KALRN: variants seen among roughly 807,000 people sequenced by gnomAD.
The protein encoded by KALRN is kalirin RhoGEF kinase, also known as kalirin.
Under a neutral mutation model 353.7 loss-of-function variants are expected in KALRN, and 70 were observed. The ratio of observed to expected loss-of-function variants is 0.20; its 90% CI spans 0.16 to 0.24. The LOEUF is 0.24. Ranked by LOEUF, KALRN falls within the 10% of genes least tolerant of loss-of-function variation. KALRN has a pLI of 1.00. For synonymous variants in KALRN, 1,391 were observed against 1,434.8 expected, an observed-to-expected ratio of 0.97 and a Z score of 0.69; for missense variants, 2,791 against 3,756.7, an observed-to-expected ratio of 0.74 and a Z score of 6.72.
At chr3:124,480,881 A>G (rs2061917546) in intron 27 of KALRN, among the ~76,000 whole-genome samples, 1 of 152,206 alleles carries the variant, frequency 6.6e-6, no homozygotes, top group Non-Finnish European at 1.5e-5. Flanking sequence ...CATGCATCAG[A>G]ACTTCATTTC....
chr3:124,103,987 A>G (rs1014180659), intron 1 of KALRN, among the ~76,000 whole-genome samples: 3 of 152,148 alleles, frequency 2.0e-5, no homozygotes, highest in Admixed American at 2.0e-4. Flanking sequence ...AAAAAGAATC[A>G]ACAGTAACAT....
intron 11 of KALRN, among the ~76,000 whole-genome samples, chr3:124,389,117 A>T (rs1037511943): frequency 6.6e-6 from 1 of 152,168 alleles, no homozygotes; most frequent in South Asian, 2.1e-4. Context: ...TTTCTGCCTC[A>T]TTATGGCTAT....
At chr3:124,632,960 C>A (rs953905746) in intron 35 of KALRN, among the ~76,000 whole-genome samples, 1 of 152,198 alleles carries the variant, frequency 6.6e-6, no homozygotes, top group Non-Finnish European at 1.5e-5. Context: ...TGAGGGGAGT[C>A]ATTTGGTCAT....
At chr3:124,657,348 C>T (rs549603652) in intron 39 of KALRN, 100 bp from the exon 40 acceptor site, 9 of 777,460 alleles carry the variant, frequency 1.2e-5, no homozygotes, top group African/African-American at 3.5e-5. Flanking sequence ...CGCAAACTCA[C>T]GCAGAGAGTG....
intron 34 of KALRN, among the ~76,000 whole-genome samples, chr3:124,597,975 G>T (rs908130949): frequency 6.6e-5 from 10 of 152,178 alleles, no homozygotes; most frequent in African/African-American, 2.4e-4. Flanking sequence ...AACAGGGAGG[G>T]TGGAGTACTG....
At chr3:124,063,497 T>C (rs1238257475) in intron 1 of KALRN, among the ~76,000 whole-genome samples, 1 of 151,886 alleles carries the variant, frequency 6.6e-6, no homozygotes, top group Admixed American at 6.6e-5. Flanking sequence ...GGGAAGGAAG[T>C]GATGTGGGTG....
At chr3:124,042,510 C>A (rs1223216943) in intron 1 of KALRN, among the ~76,000 whole-genome samples, 3 of 151,964 alleles carry the variant, frequency 2.0e-5, no homozygotes, top group Admixed American at 2.0e-4. Flanking sequence ...GAAGCAGCAG[C>A]AGAAATGGAG....
At chr3:124,718,515 T>A (rs1436776063) in intron 59 of KALRN, among the ~76,000 whole-genome samples, 1 of 152,130 alleles carries the variant, frequency 6.6e-6, no homozygotes, top group Non-Finnish European at 1.5e-5. Context: ...CACAATGACA[T>A]CTGGTGTGAG....
chr3:124,291,014 A>G (rs945194496), intron 5 of KALRN, among the ~76,000 whole-genome samples: 2 of 152,208 alleles, frequency 1.3e-5, no homozygotes, highest in Non-Finnish European at 2.9e-5. Context: ...CTAAACACTC[A>G]GATTTATGAG....
chr3:124,580,144 C>G (rs13062446), intron 34 of KALRN, among the ~76,000 whole-genome samples: 37,831 of 152,068 alleles, frequency 0.25, 4,863 homozygotes, highest in East Asian at 0.33. Flanking sequence ...TCAGGCCCCA[C>G]CCCAGACCTA....
At chr3:124,645,385 A>AT (rs1399220225) in intron 37 of KALRN, among the ~76,000 whole-genome samples, 1 of 152,054 alleles carries the variant, frequency 6.6e-6, no homozygotes, top group Non-Finnish European at 1.5e-5. Context: ...TGGTATTTTA[A>AT]TCATAGTCTT....
At chr3:124,474,577 AGT>A in intron 25 of KALRN, 84 bp from the exon 26 acceptor site, 1 of 998,332 alleles carries the variant, frequency 1.0e-6, no homozygotes, top group South Asian at 1.3e-5. Context: ...ATAATTGAGA[AGT>A]TATGGTTGTG....
chr3:124,619,482 CTTT>C (rs59009780), intron 34 of KALRN, among the ~76,000 whole-genome samples: 30,587 of 104,312 alleles, frequency 0.29, 4,409 homozygotes, highest in East Asian at 0.58. Flanking sequence ...TATTTTCCTT[CTTT>C]TTTTTTTTTT....
intron 5 of KALRN, among the ~76,000 whole-genome samples, chr3:124,287,819 A>ATATATATG (rs1284279303): frequency 4.5e-5 from 2 of 44,694 alleles, no homozygotes; most frequent in African/African-American, 1.4e-4. Context: ...ATATATATAT[A>ATATATATG]TATATATGTA....
At chr3:124,499,837 C>T (rs2064308292) in intron 33 of KALRN, among the ~76,000 whole-genome samples, 1 of 152,158 alleles carries the variant, frequency 6.6e-6, no homozygotes, top group Non-Finnish European at 1.5e-5. Context: ...AGATGCTTGT[C>T]ACATCTTTTC....
At chr3:124,339,406 AGAAGAATGATGGCT>A (rs1303167453) in intron 9 of KALRN, among the ~76,000 whole-genome samples, 1 of 152,226 alleles carries the variant, frequency 6.6e-6, no homozygotes. Context: ...GAGCCCTCTC[AGAAGAATGATGGCT>A]TCTCCTGCCA....
chr3:124,409,984 C>T (rs1321547474), intron 13 of KALRN, among the ~76,000 whole-genome samples: 1 of 152,072 alleles, frequency 6.6e-6, no homozygotes, highest in Non-Finnish European at 1.5e-5. Context: ...CTGGAAATTC[C>T]CATTCTCCAG....
chr3:124,355,345 A>G (rs2083271774), intron 10 of KALRN, among the ~76,000 whole-genome samples: 1 of 152,216 alleles, frequency 6.6e-6, no homozygotes, highest in African/African-American at 2.4e-5. Context: ...AATTGCGCCT[A>G]ATTCTGGAAA....
At chr3:124,227,377 G>T (rs2078642900) in intron 1 of KALRN, among the ~76,000 whole-genome samples, 1 of 152,188 alleles carries the variant, frequency 6.6e-6, no homozygotes, top group African/African-American at 2.4e-5. Context: ...TTGAGGGGAG[G>T]AGGAAGAGGT....
Sources: allele counts gnomAD v4.1 joint callset (sites outside exome capture counted in the v4.1 genomes callset), GRCh38; gene constraint gnomAD v4.1.1; transcripts MANE v1.5; gene names NCBI Gene and HGNC (gene_info 2026-07-23, HGNC 2026-07-21).